NR5A2: variants seen among roughly 807,000 people sequenced by gnomAD.
NR5A2 encodes nuclear receptor subfamily 5 group A member 2, also known as CYP7A promoter-binding factor.
Under a neutral mutation model 62.7 loss-of-function variants are expected in NR5A2, and 26 were observed. The observed-to-expected ratio is 0.41, with a 90% CI of 0.30 to 0.58. NR5A2 has a LOEUF of 0.58. Among genes scored for constraint, NR5A2 ranks in the 20% least tolerant of loss-of-function variants. The probability of loss-of-function intolerance (pLI) is 0.22; values close to 1 mark genes in which losing one functional copy is unlikely to be tolerated. For missense variants in NR5A2, 541 were observed against 669.1 expected (o/e 0.81, Z 2.11); for synonymous variants, 246 against 241.7 (o/e 1.02, Z -0.16).
intron 7 of NR5A2, among the ~76,000 whole-genome samples, chr1:200,141,575 A>G (rs1241832979): frequency 6.6e-6 from 1 of 152,216 alleles, no homozygotes; most frequent in Non-Finnish European, 1.5e-5. Context: ...TATGAATATC[A>G]TGTATGGGTT....
At chr1:200,140,222 C>T (rs1286279060) in intron 7 of NR5A2, among the ~76,000 whole-genome samples, 6 of 150,260 alleles carry the variant, frequency 4.0e-5, no homozygotes, top group Admixed American at 6.6e-5. Context: ...TTATTATTAT[C>T]GTGTGCTTCT....
intron 2 of NR5A2, among the ~76,000 whole-genome samples, chr1:200,041,245 G>A (rs1375216881): frequency 6.6e-6 from 1 of 152,216 alleles, no homozygotes; most frequent in African/African-American, 2.4e-5. Flanking sequence ...AGAGAGAAAT[G>A]TTATTGGTAA....
chr1:200,106,521 G>T (rs1665675824), intron 5 of NR5A2, among the ~76,000 whole-genome samples: 1 of 152,086 alleles, frequency 6.6e-6, no homozygotes, highest in Admixed American at 6.6e-5. Flanking sequence ...TCTGAGATAA[G>T]CCCTTCCTTT....
At chr1:200,035,108 A>G (rs1018794912) in intron 1 of NR5A2, among the ~76,000 whole-genome samples, 2 of 152,088 alleles carry the variant, frequency 1.3e-5, no homozygotes, top group East Asian at 1.9e-4. Flanking sequence ...GAGCTCCCGT[A>G]GGCTGAAAAA....
In NR5A2 at chr1:200,039,852, C is replaced by T. The variant is rs1661981356; in HGVS notation, c.202+57C>T. The T allele has an allele frequency of 1.9e-6, 3 of 1,543,366 alleles. No individual in the cohort carries two copies. Among genetic ancestry groups the T allele is most frequent in the Non-Finnish European group, 2.6e-6 (3 of 1,150,456 alleles). The stretch of plus-strand genomic sequence containing the variant: ...CGCTGCTTCCCCACCCCCGGGCTCG[C>T]CCTGCAGGCTTCAGCCTCCCGCCCC... On this transcript the variant is annotated intron_variant, in intron 2 of 7. Transcript: ENST00000367362. The surrounding 1 kb of genome is among the most constrained non-coding windows in gnomAD (Gnocchi z 5.1).
At chr1:200,133,203 C>T (rs190945940) in intron 7 of NR5A2, among the ~76,000 whole-genome samples, 2 of 152,186 alleles carry the variant, frequency 1.3e-5, no homozygotes, top group Non-Finnish European at 1.5e-5. Flanking sequence ...TTCCCAGAAA[C>T]GTGGGGAATG....
chr1:200,030,347 G>C (rs1354361534), intron 1 of NR5A2, among the ~76,000 whole-genome samples: 1 of 152,198 alleles, frequency 6.6e-6, no homozygotes, highest in Admixed American at 6.5e-5. Context: ...GCACACTGAT[G>C]GTTACATGAA....
chr1:200,040,793 A>T (rs1662030556), intron 2 of NR5A2, among the ~76,000 whole-genome samples: 1 of 152,202 alleles, frequency 6.6e-6, no homozygotes, highest in South Asian at 2.1e-4. Context: ...TGCGGTGCTG[A>T]GTGGGCGGCG....
intron 7 of NR5A2, among the ~76,000 whole-genome samples, chr1:200,145,925 T>TAA (rs1216358901): frequency 1.3e-5 from 2 of 152,176 alleles, no homozygotes; most frequent in African/African-American, 4.8e-5. Context: ...TACACAGATA[T>TAA]AAGTACACCA....
intron 7 of NR5A2, among the ~76,000 whole-genome samples, chr1:200,154,887 T>C (rs1653307653): frequency 6.6e-6 from 1 of 152,180 alleles, no homozygotes; most frequent in Non-Finnish European, 1.5e-5. Context: ...GGAAGCTCTC[T>C]CAGAAGCTTA....
At position 200,175,664 on chromosome 1, in the gene NR5A2, T is replaced by C. The variant is rs1232819118; in HGVS notation, c.*1454T>C. ...TTAGGTCCTGAGGGGCAGGGGGATC[T>C]GTGATATAACAAAATAGCAAAAGCG... is the stretch of plus-strand genomic sequence containing the variant. On this transcript the variant is annotated 3_prime_UTR_variant, in exon 8 of 8. Transcript: ENST00000367362. 1 of 152,646 alleles carries C rather than the reference T, an allele frequency of 6.6e-6. No individual in the cohort carries two copies. Among genetic ancestry groups the C allele is most frequent in the Admixed American group, 6.5e-5 (1 of 15,276 alleles). 9.5% of individuals were successfully genotyped at this position (152,646 alleles called of 1,614,324 possible).
rs1471457069 is a variant in NR5A2 at position 200,175,843 on chromosome 1, T to TA, written c.*1639dup. The TA allele has an allele frequency of 6.6e-6, 1 of 152,614 alleles. No homozygotes were observed. 9.5% of individuals were successfully genotyped at this position (152,614 alleles called of 1,614,324 possible). On this transcript the variant is annotated 3_prime_UTR_variant, in exon 8 of 8. Coordinates refer to ENST00000367362, the MANE Select transcript of NR5A2 (RefSeq NM_205860.3). Reference sequence around the variant, plus strand: ...CGGCACAATCACTTTGTAGAAACTGTAAAAAATAAAAGTATCTCCTAGTCC... The same window carrying TA: ...CGGCACAATCACTTTGTAGAAACTGTAAAAAAATAAAAGTATCTCCTAGTCC...
intron 2 of NR5A2, among the ~76,000 whole-genome samples, chr1:200,040,594 C>T (rs537757604): frequency 6.6e-6 from 1 of 152,328 alleles, no homozygotes; most frequent in Admixed American, 6.5e-5. Flanking sequence ...AAGTTTATCT[C>T]ATTTGCTCTG....
At chr1:200,119,701 A>ACTGCAACCTCCGCCTCC (rs1179948419) in intron 6 of NR5A2, among the ~76,000 whole-genome samples, 30 of 152,018 alleles carry the variant, frequency 2.0e-4, no homozygotes, top group African/African-American at 6.3e-4. Context: ...ATCTTGGCTC[A>ACTGCAACCTCCGCCTCC]CTGCAACCTC....
chr1:200,066,995 T>C (rs1339335660), intron 5 of NR5A2, among the ~76,000 whole-genome samples: 2 of 152,232 alleles, frequency 1.3e-5, no homozygotes, highest in Non-Finnish European at 2.9e-5. Flanking sequence ...ATGGAACACG[T>C]GGCTACCCCT....
chr1:200,132,637 A>C (rs1318757392), intron 7 of NR5A2, among the ~76,000 whole-genome samples: 1 of 152,152 alleles, frequency 6.6e-6, no homozygotes, highest in East Asian at 1.9e-4. Flanking sequence ...CTCTGAAAGG[A>C]GATGATTTTT....
At chr1:200,062,815 T>A (rs893379906) in intron 5 of NR5A2, among the ~76,000 whole-genome samples, 1 of 152,202 alleles carries the variant, frequency 6.6e-6, no homozygotes, top group African/African-American at 2.4e-5. Flanking sequence ...CCCCTTAATG[T>A]TAACTGCTGT....
intron 2 of NR5A2, among the ~76,000 whole-genome samples, chr1:200,042,451 G>A (rs1348377659): frequency 2.0e-5 from 3 of 152,254 alleles, no homozygotes; most frequent in African/African-American, 4.8e-5. Context: ...GAGGACTTTG[G>A]CGATGGGGTG....
chr1:200,078,000 T>C (rs1053649265), intron 5 of NR5A2, among the ~76,000 whole-genome samples: 6 of 152,286 alleles, frequency 3.9e-5, no homozygotes, highest in Middle Eastern at 3.4e-3. Flanking sequence ...CATGGACTCA[T>C]TGAAGCCTAG....
Sources: allele counts gnomAD v4.1 joint callset (sites outside exome capture counted in the v4.1 genomes callset), GRCh38; gene constraint gnomAD v4.1.1; non-coding constraint Gnocchi (gnomAD v3.1); transcripts MANE v1.5; gene names NCBI Gene and HGNC (gene_info 2026-07-23, HGNC 2026-07-21).